Variants in RGS17 observed in about 807,000 individuals in gnomAD.
RGS17 encodes regulator of G protein signaling 17, also known as regulator of G-protein signaling 17.
RGS17 carries 12 observed loss-of-function variants against 25.5 expected under a neutral mutation model. The ratio of observed to expected loss-of-function variants is 0.47; its 90% CI spans 0.30 to 0.76. RGS17 has a LOEUF of 0.76. Ranked by LOEUF, RGS17 falls within the 30% of genes least tolerant of loss-of-function variation. The probability of loss-of-function intolerance (pLI) is 0.07; values close to 1 mark genes in which losing one functional copy is unlikely to be tolerated. For missense variants in RGS17, 196 were observed against 242.2 expected (o/e 0.81, Z 1.27); for synonymous variants, 71 against 76.9 (o/e 0.92, Z 0.40).
In RGS17 at chr6:153,124,043, C is replaced by G. The variant is rs2129127393; in HGVS notation, c.-26+7081G>C. On this transcript the variant is annotated intron_variant, in intron 1 of 4. Transcript: ENST00000206262. Reference sequence around the variant, plus strand: ...CACTTCCTGCTTTTCTTCCCCTTATCTCTGAGTCTCTGCTTAGCAGCTTGC... The same window carrying G: ...CACTTCCTGCTTTTCTTCCCCTTATGTCTGAGTCTCTGCTTAGCAGCTTGC... Among the ~76,000 whole-genome samples, 2 of 152,288 alleles carry G rather than the reference C, an allele frequency of 1.3e-5. 1 individual carries two copies. Among genetic ancestry groups the G allele is most frequent in the South Asian group, 4.1e-4 (2 of 4,828 alleles).
intron 1 of RGS17, among the ~76,000 whole-genome samples, chr6:153,099,785 C>T (rs1363224016): frequency 1.8e-4 from 27 of 152,088 alleles, no homozygotes; most frequent in Non-Finnish European, 4.4e-5. Context: ...ATTATTATTC[C>T]ACAAGCAGAA....
intron 2 of RGS17, among the ~76,000 whole-genome samples, chr6:153,028,846 C>G (rs1040041786): frequency 6.6e-6 from 1 of 152,164 alleles, no homozygotes; most frequent in East Asian, 1.9e-4. Context: ...TACATTTCCA[C>G]ACAGTGTTCT....
chr6:153,029,218 G>T (rs1202100014), intron 2 of RGS17, among the ~76,000 whole-genome samples: 1 of 152,164 alleles, frequency 6.6e-6, no homozygotes, highest in African/African-American at 2.4e-5. Flanking sequence ...GTCTTGCCCT[G>T]TAGAAATTGA....
intron 4 of RGS17, among the ~76,000 whole-genome samples, chr6:153,022,034 C>T (rs1048581630): frequency 3.3e-5 from 5 of 152,088 alleles, no homozygotes; most frequent in African/African-American, 9.7e-5. Flanking sequence ...ATGGTGAAAC[C>T]CTGTCACCAC....
At chr6:153,125,830 G>C (rs1273092223) in intron 1 of RGS17, among the ~76,000 whole-genome samples, 1 of 152,176 alleles carries the variant, frequency 6.6e-6, no homozygotes, top group African/African-American at 2.4e-5. Context: ...GGGTGACAGA[G>C]TGAGACCCTG....
intron 4 of RGS17, among the ~76,000 whole-genome samples, chr6:153,012,955 C>T (rs1779149154): frequency 6.6e-6 from 1 of 152,136 alleles, no homozygotes; most frequent in African/African-American, 2.4e-5. Context: ...TTGATTGCTA[C>T]ACCCCAGGGA....
intron 4 of RGS17, among the ~76,000 whole-genome samples, chr6:153,019,501 G>A (rs1562312766): frequency 6.6e-6 from 1 of 152,186 alleles, no homozygotes; most frequent in African/African-American, 2.4e-5. Context: ...CAGTGTTGGA[G>A]ATGGGGTCTG....
chr6:153,066,932 C>T (rs774608409), intron 1 of RGS17, among the ~76,000 whole-genome samples: 8 of 151,816 alleles, frequency 5.3e-5, no homozygotes, highest in Non-Finnish European at 1.0e-4. Flanking sequence ...CCCAGCTACT[C>T]GGGAGGCTGA....
chr6:153,047,951 AT>A (rs1225672086), intron 1 of RGS17, among the ~76,000 whole-genome samples: 1 of 151,688 alleles, frequency 6.6e-6, no homozygotes, highest in Non-Finnish European at 1.5e-5. Flanking sequence ...TTTCCTTTTC[AT>A]CTTCCTCGCT....
chr6:153,124,614 GATA>G (rs1777679697), intron 1 of RGS17, among the ~76,000 whole-genome samples: 1 of 152,122 alleles, frequency 6.6e-6, no homozygotes, highest in Non-Finnish European at 1.5e-5. Context: ...CAGTTTTACA[GATA>G]ATGATACTAA....
intron 1 of RGS17, among the ~76,000 whole-genome samples, chr6:153,101,189 TA>T (rs1777298436): frequency 6.6e-6 from 1 of 152,240 alleles, no homozygotes; most frequent in African/African-American, 2.4e-5. Context: ...AGACTATGAA[TA>T]CTCTATACAG....
intron 1 of RGS17, among the ~76,000 whole-genome samples, chr6:153,108,033 T>A (rs140464450): frequency 1.3e-5 from 2 of 152,162 alleles, no homozygotes; most frequent in Non-Finnish European, 2.9e-5. Context: ...TATGATATGA[T>A]TGGAAACCCT....
At chr6:153,124,263 G>A (rs549975020) in intron 1 of RGS17, among the ~76,000 whole-genome samples, 46 of 152,280 alleles carry the variant, frequency 3.0e-4, no homozygotes, top group East Asian at 7.7e-4. Flanking sequence ...AAGGGGCCAC[G>A]TTTAATTAAT....
intron 1 of RGS17, among the ~76,000 whole-genome samples, chr6:153,121,010 T>A: frequency 6.6e-6 from 1 of 152,062 alleles, no homozygotes; most frequent in Non-Finnish European, 1.5e-5. Context: ...ATAACAGAAA[T>A]TTACATATAG....
At chr6:153,106,524 T>A (rs1424658619) in intron 1 of RGS17, among the ~76,000 whole-genome samples, 1 of 151,840 alleles carries the variant, frequency 6.6e-6, no homozygotes, top group Non-Finnish European at 1.5e-5. Context: ...CTTTTTTTTT[T>A]TCAGGAAGGG....
intron 1 of RGS17, among the ~76,000 whole-genome samples, chr6:153,056,789 G>A (rs1199111265): frequency 1.3e-5 from 2 of 150,382 alleles, no homozygotes; most frequent in African/African-American, 4.9e-5. Context: ...TCATCCTTTT[G>A]TTTAGATATT....
chr6:153,082,622 GCTATTTATATA>G (rs1421976498), intron 1 of RGS17, among the ~76,000 whole-genome samples: 1 of 151,976 alleles, frequency 6.6e-6, no homozygotes, highest in Non-Finnish European at 1.5e-5. Flanking sequence ...TAACTGCTAT[GCTATTTATATA>G]CTAGTTCCAT....
chr6:153,121,717 T>C (rs1777634755), intron 1 of RGS17, among the ~76,000 whole-genome samples: 1 of 152,244 alleles, frequency 6.6e-6, no homozygotes, highest in South Asian at 2.1e-4. Context: ...TGATTTTATA[T>C]AAGATGTACT....
At chr6:153,100,677 A>G (rs536544258) in intron 1 of RGS17, among the ~76,000 whole-genome samples, 1 of 152,312 alleles carries the variant, frequency 6.6e-6, no homozygotes, top group South Asian at 2.1e-4. Flanking sequence ...CTACCAGGTA[A>G]ATGTTCTCTC....
Sources: gnomAD v4.1 joint callset for allele counts (sites outside exome capture counted in the v4.1 genomes callset) on GRCh38, gnomAD v4.1.1 for gene constraint, MANE v1.5 for transcripts, NCBI Gene and HGNC (gene_info 2026-07-23, HGNC 2026-07-21) for gene names.